Variants in PHACTR2 observed in about 807,000 individuals in gnomAD.
PHACTR2 encodes chromosome 6 open reading frame 56.
Under a neutral mutation model 76.0 loss-of-function variants are expected in PHACTR2, and 30 were observed. The ratio of observed to expected loss-of-function variants is 0.39; its 90% CI spans 0.30 to 0.54. The LOEUF (loss-of-function observed/expected upper bound fraction) is 0.54, where lower values mean the gene tolerates loss of function less well. PHACTR2 is among the 20% of genes least tolerant of loss of function. The probability of loss-of-function intolerance (pLI) is 0.61; values close to 1 mark genes in which losing one functional copy is unlikely to be tolerated. For missense variants in PHACTR2, 696 were observed against 781.1 expected, an observed-to-expected ratio of 0.89 and a Z score of 1.30; for synonymous variants, 292 against 292.5, an observed-to-expected ratio of 1.00 and a Z score of 0.02.
rs1777438364 is a variant in PHACTR2, at chr6:143,683,232, A to G, written c.46+5023A>G. ...AGTATTTCATTGTGAAGTGTAGAGC[A>G]TGGTAGATTGGATACAATACATTTT... On this transcript the variant is annotated intron_variant, in intron 1 of 12. Transcript: ENST00000440869. This position sits in a 1 kb window ranked among gnomAD's most constrained non-coding sequence, Gnocchi z 4.1. Among the ~76,000 whole-genome samples the G allele has an allele frequency of 2.0e-5, 3 of 151,912 alleles. No homozygotes were observed. The South Asian group carries it at 6.2e-4, about 32-fold the overall frequency.
chr6:143,817,710 A>C (rs760529666), intron 12 of PHACTR2, among the ~76,000 whole-genome samples: 1 of 152,256 alleles, frequency 6.6e-6, no homozygotes, highest in Non-Finnish European at 1.5e-5. Context: ...ACCAGCATGG[A>C]TGAACCTGGA....
Position 143,818,176 on chromosome 6 carries a change from C to T in PHACTR2, c.1923-5498C>T, listed in dbSNP as rs1180955579. ...TTAAATAAAATTTGATTAAAATGGACAGAGGTAGAAATTCAGATGATCACC... is the reference window on the plus strand; with the variant it reads ...TTAAATAAAATTTGATTAAAATGGATAGAGGTAGAAATTCAGATGATCACC... On this transcript the variant is annotated intron_variant, in intron 12 of 12. Transcript: ENST00000440869. This position sits in a 1 kb window ranked among gnomAD's most constrained non-coding sequence, Gnocchi z 4.9. Among the ~76,000 whole-genome samples, 2 of 152,092 alleles carry T rather than the reference C, an allele frequency of 1.3e-5. No homozygotes were observed. Among genetic ancestry groups the T allele is most frequent in the Non-Finnish European group, 2.9e-5 (2 of 68,026 alleles).
chr6:143,781,401 A>G (rs993011310), intron 9 of PHACTR2, among the ~76,000 whole-genome samples: 3 of 152,206 alleles, frequency 2.0e-5, no homozygotes, highest in African/African-American at 7.2e-5. Context: ...CGACTGGAGC[A>G]TTTGTTAGCT....
At chr6:143,605,170 G>A (rs1350761629), upstream of PHACTR2, among the ~76,000 whole-genome samples, 3 of 152,002 alleles carry the variant, frequency 2.0e-5, no homozygotes, top group East Asian at 1.9e-4. The surrounding 1 kb of genome is among the most constrained non-coding windows in gnomAD (Gnocchi z 5.0). Context: ...TCCTTCTTTC[G>A]AAGGTGGGAT....
chr6:143,727,374 G>A (rs1778596540), intron 2 of PHACTR2, among the ~76,000 whole-genome samples: 1 of 151,976 alleles, frequency 6.6e-6, no homozygotes, highest in African/African-American at 2.4e-5. Flanking sequence ...GGACACTTAG[G>A]TTGATTCCAT....
At chr6:143,603,634 C>A (rs995989579), upstream of PHACTR2, among the ~76,000 whole-genome samples, 1 of 152,118 alleles carries the variant, frequency 6.6e-6, no homozygotes, top group Non-Finnish European at 1.5e-5. Context: ...TCTTTCTTGC[C>A]CAGATCTTCC....
At position 143,647,856 on chromosome 6, in the gene PHACTR2, A is replaced by G. The variant is rs1343204679; in HGVS notation, c.13+39534A>G. Among the ~76,000 whole-genome samples, 2 of 152,190 alleles carry G rather than the reference A, an allele frequency of 1.3e-5. No individual in the cohort carries two copies. The highest frequency in any genetic ancestry group is 2.9e-5 in the Non-Finnish European group (2 of 68,032). On this transcript the variant is annotated intron_variant, in intron 1 of 11. Coordinates refer to the PHACTR2 transcript ENST00000305766. The surrounding 1 kb of genome is among the most constrained non-coding windows in gnomAD (Gnocchi z 4.2). Reference sequence around the variant, plus strand: ...AGGGAGAGCATAAGGGGAAATGGGCACAGAGCTAGCCACAGCCAACTCAGG... The same window carrying G: ...AGGGAGAGCATAAGGGGAAATGGGCGCAGAGCTAGCCACAGCCAACTCAGG...
rs553910895 is a variant in PHACTR2, at chr6:143,818,824, T to G, written c.1923-4850T>G. Among the ~76,000 whole-genome samples the G allele has an allele frequency of 1.3e-5, 2 of 152,212 alleles. No homozygotes were observed. Among genetic ancestry groups the G allele is most frequent in the Non-Finnish European group, 2.9e-5 (2 of 68,036 alleles). On this transcript the variant is annotated intron_variant, in intron 12 of 12. Transcript: ENST00000440869. This position sits in a 1 kb window ranked among gnomAD's most constrained non-coding sequence, Gnocchi z 4.9. ...CCACAACATGTGGGGATTATGAGAT[T>G]ACAATTCAAGGTGAGGTTTCGGAGG...
In PHACTR2 at chr6:143,595,449, T is replaced by C. The variant is rs1198709923; in HGVS notation, c.217+58242T>C. ...CAAGGCCTGGGTCATGAGAATTCTA[T>C]GGTGCTGACTGCATTTGGAGCTTAA... On this transcript the variant is annotated intron_variant, in intron 1 of 11. Coordinates refer to the PHACTR2 transcript ENST00000367584. This position sits in a 1 kb window ranked among gnomAD's most constrained non-coding sequence, Gnocchi z 4.2. 1.3e-5 allele frequency among the ~76,000 whole-genome samples: 2 copies of C among 152,236 alleles called. No homozygotes were observed. The highest frequency in any genetic ancestry group is 2.9e-5 in the Non-Finnish European group (2 of 68,040).
intron 12 of PHACTR2, among the ~76,000 whole-genome samples, chr6:143,815,968 T>C (rs1301903655): frequency 6.6e-6 from 1 of 152,144 alleles, no homozygotes; most frequent in Non-Finnish European, 1.5e-5. Flanking sequence ...ACCGCCTTTA[T>C]TGAAATCATT....
rs1775935425 is a variant in PHACTR2, at chr6:143,800,791, C to A, written c.1846-6266C>A. The stretch of plus-strand genomic sequence containing the variant: ...AGTTGATGCAGTTTCTTCCTAGCAT[C>A]AGTGGTCTTTACAATTTGGCATGTT... On this transcript the variant is annotated intron_variant, in intron 11 of 12. Transcript: ENST00000440869. This position sits in a 1 kb window ranked among gnomAD's most constrained non-coding sequence, Gnocchi z 4.8. Among the ~76,000 whole-genome samples, 1 of 152,180 alleles carries A rather than the reference C, an allele frequency of 6.6e-6. No homozygotes were observed. The highest frequency in any genetic ancestry group is 2.1e-4 in the South Asian group (1 of 4,832).
In PHACTR2 at chr6:143,578,495, G is replaced by A. The variant is rs1775536975; in HGVS notation, c.217+41288G>A. 6.6e-6 allele frequency among the ~76,000 whole-genome samples: 1 copy of A among 152,128 alleles called. No individual in the cohort carries two copies. Among genetic ancestry groups the A allele is most frequent in the African/African-American group, 2.4e-5 (1 of 41,416 alleles). On this transcript the variant is annotated intron_variant, in intron 1 of 11. Transcript: ENST00000367584. The surrounding 1 kb of genome is among the most constrained non-coding windows in gnomAD (Gnocchi z 4.5). Reference sequence around the variant, plus strand: ...AGAGCATTGACTGTGGGGAAGAATGGGGCCGAAATGCAGCCCATACCCTGC... The same window carrying A: ...AGAGCATTGACTGTGGGGAAGAATGAGGCCGAAATGCAGCCCATACCCTGC...
Position 143,642,131 on chromosome 6 carries a change from T to C in PHACTR2, c.13+33809T>C, listed in dbSNP as rs182845643. On this transcript the variant is annotated intron_variant, in intron 1 of 11. Transcript: ENST00000305766. ...TCCCAAACCCTAGATGAGGTCAGGA[T>C]ACACTGGCCTTATACTGACACTGTT... Among the ~76,000 whole-genome samples, 46 of 152,332 alleles carry C rather than the reference T, an allele frequency of 3.0e-4. No individual in the cohort carries two copies. In the Middle Eastern group the frequency reaches 0.01, roughly 34 times the overall value.
rs1458807908 is a variant in PHACTR2 at position 143,678,683 on chromosome 6, C to A, written c.46+474C>A. Among the ~76,000 whole-genome samples the A allele has an allele frequency of 6.6e-6, 1 of 152,198 alleles. No homozygotes were observed. Among genetic ancestry groups the A allele is most frequent in the African/African-American group, 2.4e-5 (1 of 41,450 alleles). On this transcript the variant is annotated intron_variant, in intron 1 of 12. Transcript: ENST00000440869. This position sits in a 1 kb window ranked among gnomAD's most constrained non-coding sequence, Gnocchi z 6.2. ...GCTGATCGCCTTATCCTGGCAGACG[C>A]TGAATACTTAATAACTAGCCCCGAA...
chr6:143,626,603 A>G (rs1004840761), intron 1 of PHACTR2, among the ~76,000 whole-genome samples: 1 of 152,102 alleles, frequency 6.6e-6, no homozygotes, highest in Non-Finnish European at 1.5e-5. Context: ...CTTAAGAAAA[A>G]CCTTGCAGTA....
rs2128445572 is a variant in PHACTR2 at position 143,648,496 on chromosome 6, T to C, written c.13+40174T>C. On this transcript the variant is annotated intron_variant, in intron 1 of 11. Transcript: ENST00000305766. This position sits in a 1 kb window ranked among gnomAD's most constrained non-coding sequence, Gnocchi z 6.7. ...AACAGACCAAACAAAGCATGGCTGA[T>C]AGAAAGGGAAGCCTGCGATGGGTGG... Among the ~76,000 whole-genome samples the C allele has an allele frequency of 6.6e-6, 1 of 152,186 alleles. No individual in the cohort carries two copies. Among genetic ancestry groups the C allele is most frequent in the South Asian group, 2.1e-4 (1 of 4,824 alleles).
At position 143,627,153 on chromosome 6, in the gene PHACTR2, G is replaced by A. The variant is rs2128441227; in HGVS notation, c.13+18831G>A. Among the ~76,000 whole-genome samples, 1 of 152,292 alleles carries A rather than the reference G, an allele frequency of 6.6e-6. No individual in the cohort carries two copies. The highest frequency in any genetic ancestry group is 2.1e-4 in the South Asian group (1 of 4,820). On this transcript the variant is annotated intron_variant, in intron 1 of 11. Coordinates refer to the PHACTR2 transcript ENST00000305766. The surrounding 1 kb of genome is among the most constrained non-coding windows in gnomAD (Gnocchi z 4.3). ...CAAACAAGTTAGAAGGTCCAGGAGG[G>A]AAGTGCCACTTGGTGATGTAGGGGA...
Position 143,819,117 on chromosome 6 carries a change from C to T in PHACTR2, c.1923-4557C>T, listed in dbSNP as rs1776361547. Among the ~76,000 whole-genome samples the T allele has an allele frequency of 6.6e-6, 1 of 152,076 alleles. No individual in the cohort carries two copies. The highest frequency in any genetic ancestry group is 1.5e-5 in the Non-Finnish European group (1 of 67,994). On this transcript the variant is annotated intron_variant, in intron 12 of 12. Transcript: ENST00000440869. This position sits in a 1 kb window ranked among gnomAD's most constrained non-coding sequence, Gnocchi z 5.0. ...ATTTATAGAGCTAACAAATAACTTC[C>T]TAGATACCCCTGTGTATATGTGTTC... is the stretch of plus-strand genomic sequence containing the variant.
In PHACTR2 at chr6:143,550,955, T is replaced by C. The variant is rs1458260828; in HGVS notation, c.217+13748T>C. ...TTGGGAACTGAGGCAGGAGGATCACTTGAGCCTGGGAGGTTGAGACTACAT... is the reference window on the plus strand; with the variant it reads ...TTGGGAACTGAGGCAGGAGGATCACCTGAGCCTGGGAGGTTGAGACTACAT... On this transcript the variant is annotated intron_variant, in intron 1 of 11. Coordinates refer to the PHACTR2 transcript ENST00000367584. This position sits in a 1 kb window ranked among gnomAD's most constrained non-coding sequence, Gnocchi z 4.8. Among the ~76,000 whole-genome samples, 1 of 151,964 alleles carries C rather than the reference T, an allele frequency of 6.6e-6. No individual in the cohort carries two copies. Among genetic ancestry groups the C allele is most frequent in the Non-Finnish European group, 1.5e-5 (1 of 67,932 alleles).
Sources: gnomAD v4.1 joint callset for allele counts (sites outside exome capture counted in the v4.1 genomes callset) on GRCh38, gnomAD v4.1.1 for gene constraint, Gnocchi (gnomAD v3.1) non-coding constraint, MANE v1.5 for transcripts, NCBI Gene and HGNC (gene_info 2026-07-23, HGNC 2026-07-21) for gene names.